The following TPST1 variants were observed in gnomAD, a reference collection of about 807,000 sequenced individuals.
TPST1 encodes the protein protein-tyrosine sulfotransferase 1.
In TPST1, 20 loss-of-function variants were observed where a neutral mutation model predicts 34.8. The ratio of observed to expected loss-of-function variants is 0.57; its 90% CI spans 0.40 to 0.84. The LOEUF is 0.84. TPST1 is among the 40% of genes least tolerant of loss of function. TPST1 has a pLI of 0.00. For missense variants in TPST1, 353 were observed against 455.5 expected (o/e 0.78, Z 2.05); for synonymous variants, 152 against 159.4 (o/e 0.95, Z 0.35).
rs531121555 is a variant in TPST1 at position 66,275,931 on chromosome 7, A to G, written c.846-10580A>G. 7.0e-4 allele frequency among the ~76,000 whole-genome samples: 106 copies of G among 152,194 alleles called. 1 individual carries two copies. Among genetic ancestry groups the G allele is most frequent in the Non-Finnish European group, 1.1e-3 (74 of 68,010 alleles). ...ACATGTTAATTAGCTTGATTGAGCC[A>G]TTTCACCATGTATACATATTTTAAA... On this transcript the variant is annotated intron_variant, in intron 2 of 5. Transcript: ENST00000304842.
chr7:66,348,700 T>C (rs1272714237), intron 3 of TPST1, among the ~76,000 whole-genome samples: 2 of 152,250 alleles, frequency 1.3e-5, no homozygotes, highest in Admixed American at 6.5e-5. Context: ...GCTGTTTGTA[T>C]AGGCAATGTA....
chr7:66,313,803 C>T (rs1791580216), intron 3 of TPST1, among the ~76,000 whole-genome samples: 1 of 152,054 alleles, frequency 6.6e-6, no homozygotes. Context: ...TTTCTCTCTC[C>T]TTATAAAATA....
chr7:66,314,700 G>T (rs1203417330), intron 3 of TPST1, among the ~76,000 whole-genome samples: 1 of 152,176 alleles, frequency 6.6e-6, no homozygotes, highest in African/African-American at 2.4e-5. Flanking sequence ...CTGCTACATA[G>T]CTAGGCTATA....
In TPST1 at chr7:66,346,830, C is replaced by T. The variant is rs1251245151; in HGVS notation, c.1045-5675C>T. On this transcript the variant is annotated intron_variant, in intron 3 of 5. Transcript: ENST00000304842. ...GCTGCATAGAAGTTTTTACACTTGGCATGATCCCATTTGTCCATTTTTGCT... is the reference window on the plus strand; with the variant it reads ...GCTGCATAGAAGTTTTTACACTTGGTATGATCCCATTTGTCCATTTTTGCT... Among the ~76,000 whole-genome samples the T allele has an allele frequency of 2.6e-5, 4 of 151,990 alleles. No individual in the cohort carries two copies. The East Asian group carries it at 7.7e-4, about 29-fold the overall frequency.
intron 3 of TPST1, among the ~76,000 whole-genome samples, chr7:66,318,668 T>A (rs187769514): frequency 1.2e-3 from 181 of 152,200 alleles, no homozygotes; most frequent in Non-Finnish European, 2.0e-3. Context: ...GGTTTCACCA[T>A]GTTGCCCAGG....
chr7:66,337,982 A>G (rs1277306420), intron 3 of TPST1, among the ~76,000 whole-genome samples: 1 of 152,204 alleles, frequency 6.6e-6, no homozygotes, highest in African/African-American at 2.4e-5. Flanking sequence ...GGCAGTAGTA[A>G]ACCCTTACCT....
At chr7:66,228,570 A>G (rs1022180230) in intron 1 of TPST1, among the ~76,000 whole-genome samples, 1 of 152,214 alleles carries the variant, frequency 6.6e-6, no homozygotes, top group African/African-American at 2.4e-5. Flanking sequence ...AATGGTTGAA[A>G]TGAAATCAAC....
intron 2 of TPST1, among the ~76,000 whole-genome samples, chr7:66,242,263 T>C (rs2116415566): frequency 6.6e-6 from 1 of 152,102 alleles, no homozygotes; most frequent in Non-Finnish European, 1.5e-5. Flanking sequence ...AAAAAAGAAA[T>C]ATATAAGGTG....
chr7:66,215,596 G>T (rs911572894), intron 1 of TPST1, among the ~76,000 whole-genome samples: 1 of 151,440 alleles, frequency 6.6e-6, no homozygotes, highest in East Asian at 1.9e-4. Flanking sequence ...GGATGGTCTC[G>T]ATCTCCTGAC....
At chr7:66,342,751 C>T (rs984558196) in intron 3 of TPST1, among the ~76,000 whole-genome samples, 9 of 152,136 alleles carry the variant, frequency 5.9e-5, no homozygotes, top group Admixed American at 1.3e-4. Context: ...CTTGAACAAC[C>T]AGATCTCGCA....
rs546339747 is a variant in TPST1, at chr7:66,227,028, C to CTTTTTTTTTTTTTTTTTTTT, written c.-101-13293_-101-13274dup. Among the ~76,000 whole-genome samples, 15 of 69,206 alleles carry CTTTTTTTTTTTTTTTTTTTT rather than the reference C, an allele frequency of 2.2e-4. 4 individuals carry two copies. Among genetic ancestry groups the CTTTTTTTTTTTTTTTTTTTT allele is most frequent in the African/African-American group, 8.7e-4 (13 of 14,898 alleles). The allele number at this position is 69,206 out of a possible 152,430, so 45.4% of individuals were successfully genotyped here. A position where few individuals can be genotyped will look rare whatever the true frequency, so the allele number is the denominator to read the frequency against. ...TTGGTGTTGGATGCCTTAAAATAAG[C>CTTTTTTTTTTTTTTTTTTTT]TTTTTTTTTTTTTTTTTTTTTTTGA... On this transcript the variant is annotated intron_variant, in intron 1 of 5. Transcript: ENST00000304842.
chr7:66,234,438 C>CACACACACACAG (rs1789868721), intron 1 of TPST1, among the ~76,000 whole-genome samples: 1 of 150,506 alleles, frequency 6.6e-6, no homozygotes, highest in Non-Finnish European at 1.5e-5. Flanking sequence ...CACAGACACA[C>CACACACACACAG]ACACACACAC....
At chr7:66,305,287 C>A (rs1791399998) in intron 3 of TPST1, among the ~76,000 whole-genome samples, 1 of 152,140 alleles carries the variant, frequency 6.6e-6, no homozygotes, top group Non-Finnish European at 1.5e-5. Flanking sequence ...AGGTATCTGT[C>A]ATTTCTTTCT....
intron 2 of TPST1, among the ~76,000 whole-genome samples, chr7:66,263,034 A>C (rs1384093320): frequency 6.6e-6 from 1 of 152,104 alleles, no homozygotes; most frequent in African/African-American, 2.4e-5. Flanking sequence ...TGAGTGGTGG[A>C]GGTTGCAGTG....
intron 1 of TPST1, among the ~76,000 whole-genome samples, chr7:66,235,326 T>C (rs1648572434): frequency 6.6e-6 from 1 of 152,082 alleles, no homozygotes; most frequent in Admixed American, 6.6e-5. Context: ...AATGCTATAT[T>C]GCCACCAATT....
chr7:66,228,786 C>T (rs1789717323), intron 1 of TPST1, among the ~76,000 whole-genome samples: 1 of 152,124 alleles, frequency 6.6e-6, no homozygotes, highest in Non-Finnish European at 1.5e-5. Context: ...ATTATCTGTT[C>T]AATCACAAAC....
At chr7:66,273,737 C>T (rs7809997) in intron 2 of TPST1, among the ~76,000 whole-genome samples, 9,985 of 152,028 alleles carry the variant, frequency 0.066, 1,074 homozygotes, top group African/African-American at 0.22. Context: ...TGAAGTTAGA[C>T]TCTTACCTCA....
intron 2 of TPST1, among the ~76,000 whole-genome samples, chr7:66,280,066 G>A (rs1237321309): frequency 1.3e-5 from 2 of 152,202 alleles, no homozygotes; most frequent in East Asian, 3.9e-4. Context: ...GGGTGTGGTG[G>A]CCCACAGTCC....
chr7:66,223,324 T>G (rs1032971727), intron 1 of TPST1, among the ~76,000 whole-genome samples: 7 of 151,422 alleles, frequency 4.6e-5, no homozygotes. Context: ...TAGCCAGGTA[T>G]GGTTTGCATG....
Sources: allele counts gnomAD v4.1 joint callset (sites outside exome capture counted in the v4.1 genomes callset), GRCh38; gene constraint gnomAD v4.1.1; transcripts MANE v1.5; gene names NCBI Gene and HGNC (gene_info 2026-07-23, HGNC 2026-07-21).